Variants in DNAH6 observed in about 807,000 individuals in gnomAD.
The protein encoded by DNAH6 is axonemal beta dynein heavy chain 6.
A neutral mutation model predicts 491.4 loss-of-function variants in DNAH6; 340 were observed. That is an observed-to-expected ratio of 0.69 (90% confidence interval 0.63 to 0.76). DNAH6 has a LOEUF of 0.76. DNAH6 is among the 30% of genes least tolerant of loss of function. The probability of loss-of-function intolerance (pLI) is 0.00; values close to 1 mark genes in which losing one functional copy is unlikely to be tolerated. For synonymous variants in DNAH6, 1,603 were observed against 1,686.1 expected, an observed-to-expected ratio of 0.95 and a Z score of 1.21; for missense variants, 4,443 against 4,972.2, an observed-to-expected ratio of 0.89 and a Z score of 3.20.
At chr2:84,664,998 A>G (rs1691935331) in intron 37 of DNAH6, among the ~76,000 whole-genome samples, 1 of 150,564 alleles carries the variant, frequency 6.6e-6, no homozygotes, top group Non-Finnish European at 1.5e-5. Flanking sequence ...CTGAATGACT[A>G]CTGGGTACAT....
intron 72 of DNAH6, among the ~76,000 whole-genome samples, chr2:84,811,441 C>A (rs770699090): frequency 9.9e-5 from 15 of 152,178 alleles, no homozygotes; most frequent in Non-Finnish European, 1.3e-4. Context: ...CCAGTGTCTC[C>A]CAGGACTGTG....
intron 12 of DNAH6, 23 bp downstream of exon 12, chr2:84,573,610 C>T (rs1307332045): frequency 6.5e-7 from 1 of 1,527,172 alleles, no homozygotes. Context: ...TTTGTACTTA[C>T]TAATTATTTT....
intron 15 of DNAH6, among the ~76,000 whole-genome samples, chr2:84,587,828 CTG>C (rs1683719455): frequency 6.6e-6 from 1 of 152,212 alleles, no homozygotes; most frequent in Admixed American, 6.5e-5. Context: ...GGCAGGTCAT[CTG>C]TTCTTCATGC....
chr2:84,557,726 C>G lies in DNAH6; in HGVS notation c.1603-9C>G. On this transcript the variant is annotated splice_polypyrimidine_tract_variant and intron_variant, in intron 10 of 76. Transcript: ENST00000389394. ...TTCACATTTATGTTTATGCTTTTCT[C>G]TTTAACAGGATGGTATTTTGGGTGC... is the stretch of plus-strand genomic sequence containing the variant. 7.7e-7 allele frequency: 1 copy of G among 1,302,726 alleles called. No individual in the cohort carries two copies. The highest frequency in any genetic ancestry group is 1.0e-6 in the Non-Finnish European group (1 of 958,212). The allele number at this position is 1,302,726 out of a possible 1,614,324, so 80.7% of individuals were successfully genotyped here. A position where few individuals can be genotyped will look rare whatever the true frequency, so the allele number is the denominator to read the frequency against.
chr2:84,631,994 C>T (rs1246940783), intron 29 of DNAH6, among the ~76,000 whole-genome samples: 2 of 152,184 alleles, frequency 1.3e-5, no homozygotes, highest in Admixed American at 1.3e-4. Flanking sequence ...TGTGGTCTCC[C>T]TTGTTGGAAC....
chr2:84,466,114 C>G, the DNAH6 span, among the ~76,000 whole-genome samples: 1 of 152,190 alleles, frequency 6.6e-6, no homozygotes, highest in African/African-American at 2.4e-5. Flanking sequence ...TAACCTGGGG[C>G]TCCTGGACCT....
intron 12 of DNAH6, among the ~76,000 whole-genome samples, chr2:84,575,233 C>A (rs1205899947): frequency 6.6e-6 from 1 of 152,108 alleles, no homozygotes; most frequent in Non-Finnish European, 1.5e-5. Flanking sequence ...TATTGTAGAT[C>A]CTTAATAAAT....
At chr2:84,670,522 C>A in intron 39 of DNAH6, 47 bp downstream of exon 39, 1 of 1,262,644 alleles carries the variant, frequency 7.9e-7, no homozygotes, top group Non-Finnish European at 1.1e-6. Context: ...ATTCATTAAG[C>A]TAATAAATGA....
intron 68 of DNAH6, among the ~76,000 whole-genome samples, chr2:84,791,994 A>G (rs539680912): frequency 9.2e-5 from 14 of 152,344 alleles, no homozygotes; most frequent in African/African-American, 2.9e-4. Context: ...CCATCAACAT[A>G]TAAATGGACA....
the DNAH6 span, among the ~76,000 whole-genome samples, chr2:84,484,027 G>A: frequency 2.7e-4 from 41 of 152,224 alleles, no homozygotes; most frequent in Admixed American, 1.9e-3. Context: ...TGACAGAAAT[G>A]GGGATGAGAC....
chr2:84,702,035 A>G (rs1007765473), intron 49 of DNAH6, among the ~76,000 whole-genome samples: 5 of 152,208 alleles, frequency 3.3e-5, no homozygotes, highest in African/African-American at 9.7e-5. Context: ...CATCAAAGTT[A>G]TGCAGTGAAC....
chr2:84,727,729 G>A lies in DNAH6; in HGVS notation c.10033G>A (p.Val3345Ile), dbSNP rs756988545. ...AGAAAATCTACAACAGCGCCTGGACGTACTACTAGAACAAACTCTCCTAAC... is the reference window on the plus strand; with the variant it reads ...AGAAAATCTACAACAGCGCCTGGACATACTACTAGAACAAACTCTCCTAAC... ...KTENLQQRLD[V>I]LLEQTLLTAY... Residue 3345 changes from valine (V) to isoleucine (I), a missense_variant, in exon 61 of 77, where the codon GTA becomes ATA. By Grantham distance (29) the Val-to-Ile change is conservative. This residue lies in a region of DNAH6 where 1,463 missense variants were observed against 1,656.6 expected (regional missense o/e 0.88). Coordinates refer to ENST00000389394, the MANE Select transcript of DNAH6 (RefSeq NM_001370.2). 31 of 1,551,446 alleles carry A rather than the reference G, an allele frequency of 2.0e-5. No individual in the cohort carries two copies. Among genetic ancestry groups the A allele is most frequent in the South Asian group, 7.1e-5 (6 of 84,064 alleles).
chr2:84,553,003 T>C lies in DNAH6; in HGVS notation c.1571T>C (p.Leu524Pro), dbSNP rs1294190520. 6.2e-7 allele frequency: 1 copy of C among 1,608,804 alleles called. No individual in the cohort carries two copies. The highest frequency in any genetic ancestry group is 1.3e-5 in the African/African-American group (1 of 74,736). The change falls in exon 10 of 77, where the codon CTG becomes CCG. Residue 524 changes from leucine (L) to proline (P), a missense_variant. Transcript: ENST00000389394. ...LTELMLTVQS[L>P]LFEPSLEDFL... ...GAACTAATGTTGACAGTCCAGTCAC[T>C]GCTCTTTGAGCCTTCTCTGGAAGAC...
intron 58 of DNAH6, among the ~76,000 whole-genome samples, chr2:84,717,591 A>G (rs2104906601): frequency 6.6e-6 from 1 of 152,312 alleles, no homozygotes; most frequent in Middle Eastern, 3.4e-3. Flanking sequence ...CAAAGGATTA[A>G]TAGATAATCC....
chr2:84,796,179 GTT>G (rs754175943), intron 68 of DNAH6, 125 bp from the exon 69 acceptor site: 152 of 614,066 alleles, frequency 2.5e-4, no homozygotes, highest in Middle Eastern at 4.7e-4. Flanking sequence ...AGGAAATTCT[GTT>G]GTGTGCTTTC....
chr2:84,762,241 T>C (rs1448538247), intron 63 of DNAH6, among the ~76,000 whole-genome samples: 4 of 152,144 alleles, frequency 2.6e-5, no homozygotes, highest in Admixed American at 2.0e-4. Flanking sequence ...TGGAGCCAAT[T>C]TTCTGAAAAG....
At position 84,681,442 on chromosome 2, in the gene DNAH6, A is replaced by T; in HGVS notation, c.6830A>T (p.Tyr2277Phe). 2 of 1,551,574 alleles carry T rather than the reference A, an allele frequency of 1.3e-6. No individual in the cohort carries two copies. Among genetic ancestry groups the T allele is most frequent in the Non-Finnish European group, 1.7e-6 (2 of 1,146,912 alleles). The change falls in exon 42 of 77, where the codon TAT becomes TTT. Residue 2277 changes from tyrosine (Y) to phenylalanine (F), a missense_variant. By Grantham distance (22) the Tyr-to-Phe change is conservative (BLOSUM62 3). Coordinates refer to ENST00000389394, the MANE Select transcript of DNAH6 (RefSeq NM_001370.2). ...SSIVEASVEI[Y>F]NKMSVDLLPT... ...ATTGTAGAAGCCTCAGTTGAGATTT[A>T]TAACAAAATGAGTGTTGACCTCCTG... is the stretch of plus-strand genomic sequence containing the variant.
rs189935639 is a variant in DNAH6 at position 84,819,499 on chromosome 2, C to T, written c.*91C>T. 57 of 758,848 alleles carry T rather than the reference C, an allele frequency of 7.5e-5. No homozygotes were observed. The highest frequency in any genetic ancestry group is 5.5e-4 in the African/African-American group (31 of 56,018). The allele number at this position is 758,848 out of a possible 1,614,324, so 47.0% of individuals were successfully genotyped here. On this transcript the variant is annotated 3_prime_UTR_variant, in exon 77 of 77. Transcript: ENST00000389394. The stretch of plus-strand genomic sequence containing the variant: ...TTGAATAATTTATATGTGAGCAAAA[C>T]GGTGTTAATTCTGATTTGACTTAAA...
chr2:84,558,027 T>C, intron 11 of DNAH6, 92 bp downstream of exon 11: 1 of 862,094 alleles, frequency 1.2e-6, no homozygotes. Context: ...CTTTAAATGT[T>C]CTACATGTGA....
Sources: allele counts gnomAD v4.1 joint callset (sites outside exome capture counted in the v4.1 genomes callset), GRCh38; gene constraint gnomAD v4.1.1; regional missense constraint gnomAD v4.1.1; transcripts MANE v1.5; gene names NCBI Gene and HGNC (gene_info 2026-07-23, HGNC 2026-07-21).